TBC1D8: variants seen among roughly 807,000 people sequenced by gnomAD.
TBC1D8 encodes the protein TBC1 domain family member 8.
A neutral mutation model predicts 118.8 loss-of-function variants in TBC1D8; 65 were observed. The observed-to-expected ratio is 0.55, with a 90% CI of 0.45 to 0.67. The LOEUF is 0.67. TBC1D8 is among the 30% of genes least tolerant of loss of function. TBC1D8 has a pLI of 0.00. For synonymous variants in TBC1D8, 566 were observed against 595.8 expected, an observed-to-expected ratio of 0.95 and a Z score of 0.73; for missense variants, 1,376 against 1,471.2, an observed-to-expected ratio of 0.94 and a Z score of 1.06.
intron 4 of TBC1D8, among the ~76,000 whole-genome samples, chr2:101,052,531 C>T (rs189099047): frequency 2.1e-5 from 3 of 143,264 alleles, no homozygotes; most frequent in Middle Eastern, 3.6e-3. Context: ...GGCTGGAGTG[C>T]GCTGGTGCAA....
At chr2:101,093,891 T>G (rs1676219964) in intron 1 of TBC1D8, among the ~76,000 whole-genome samples, 1 of 152,086 alleles carries the variant, frequency 6.6e-6, no homozygotes, top group South Asian at 2.1e-4. Flanking sequence ...TGTATTTTAG[T>G]ACACCATGTC....
intron 8 of TBC1D8, among the ~76,000 whole-genome samples, chr2:101,036,622 G>A (rs1387612159): frequency 6.6e-6 from 1 of 152,090 alleles, no homozygotes; most frequent in Non-Finnish European, 1.5e-5. Flanking sequence ...TGAGCTTCCT[G>A]ACAGCCAGAG....
At chr2:101,118,358 C>T (rs986429595) in intron 1 of TBC1D8, among the ~76,000 whole-genome samples, 2 of 152,168 alleles carry the variant, frequency 1.3e-5, no homozygotes, top group African/African-American at 2.4e-5. Flanking sequence ...GTCCAATTAT[C>T]CCTGTTGGCT....
intron 1 of TBC1D8, among the ~76,000 whole-genome samples, chr2:101,150,782 C>T (rs1251584881): frequency 1.3e-5 from 2 of 152,198 alleles, no homozygotes; most frequent in African/African-American, 2.4e-5. Flanking sequence ...ACACAGCAGC[C>T]TCGCTGCTCC....
At chr2:101,104,447 G>A (rs910062646) in intron 1 of TBC1D8, among the ~76,000 whole-genome samples, 3 of 152,202 alleles carry the variant, frequency 2.0e-5, no homozygotes, top group African/African-American at 7.2e-5. Context: ...CTCACACTAC[G>A]CAATTTCAAG....
At chr2:101,110,741 C>T (rs1390824668) in intron 1 of TBC1D8, among the ~76,000 whole-genome samples, 5 of 152,004 alleles carry the variant, frequency 3.3e-5, no homozygotes, top group South Asian at 2.1e-4. Flanking sequence ...CTTTCGGAGG[C>T]GGGTGGATCA....
chr2:101,115,759 AAAG>A lies in TBC1D8; in HGVS notation c.128-25398_128-25396del, dbSNP rs549210982. Among the ~76,000 whole-genome samples the A allele has an allele frequency of 3.9e-5, 6 of 152,252 alleles. No individual in the cohort carries two copies. In the South Asian group the frequency reaches 1.2e-3, roughly 32 times the overall value. On this transcript the variant is annotated intron_variant, in intron 1 of 19. Coordinates refer to ENST00000409318, the MANE Select transcript of TBC1D8 (RefSeq NM_001330348.2). Reference sequence around the variant, plus strand: ...AAGCAAGACCTTGTTTCAAAAAAAAAAAGATTCTGGATCCTTGAGACAAACCAG... The same window carrying A: ...AAGCAAGACCTTGTTTCAAAAAAAAAATTCTGGATCCTTGAGACAAACCAG...
At chr2:101,150,676 CCG>C in intron 1 of TBC1D8, among the ~76,000 whole-genome samples, 2 of 152,318 alleles carry the variant, frequency 1.3e-5, no homozygotes, top group South Asian at 4.1e-4. Flanking sequence ...GCGCGCATCG[CCG>C]CGCGCCCCCA....
chr2:101,082,764 G>A (rs2105448892), intron 2 of TBC1D8, among the ~76,000 whole-genome samples: 1 of 152,174 alleles, frequency 6.6e-6, no homozygotes, highest in East Asian at 1.9e-4. Context: ...GGGTTGCCTG[G>A]GACTTGGGGA....
chr2:101,036,252 A>T, intron 8 of TBC1D8, 84 bp from the exon 9 acceptor site: 1 of 1,511,746 alleles, frequency 6.6e-7, no homozygotes, highest in Non-Finnish European at 9.1e-7. Flanking sequence ...CAATGGAGGA[A>T]GTACTGCCCC....
chr2:101,032,434 A>G (rs1553401819), intron 10 of TBC1D8, 49 bp from the exon 11 acceptor site: 1 of 1,524,008 alleles, frequency 6.6e-7, no homozygotes, highest in South Asian at 1.1e-5. Context: ...ATGTGATGCC[A>G]CAGAGATGTT....
chr2:101,017,230 A>T (rs1679718924), intron 17 of TBC1D8, among the ~76,000 whole-genome samples: 1 of 152,094 alleles, frequency 6.6e-6, no homozygotes, highest in Non-Finnish European at 1.5e-5. Flanking sequence ...TGCCTTCTGG[A>T]ATAGCGCCTG....
chr2:101,048,563 C>A (rs2105409600), intron 5 of TBC1D8, among the ~76,000 whole-genome samples: 1 of 152,252 alleles, frequency 6.6e-6, no homozygotes, highest in South Asian at 2.1e-4. Context: ...TAACTCAGGA[C>A]TACACATGAT....
At chr2:101,112,583 C>T (rs950569927) in intron 1 of TBC1D8, among the ~76,000 whole-genome samples, 3 of 152,310 alleles carry the variant, frequency 2.0e-5, no homozygotes, top group Admixed American at 1.3e-4. Context: ...CGCTGCCAAA[C>T]GCAGGACAAT....
chr2:101,091,052 G>A (rs1676002281), intron 1 of TBC1D8, among the ~76,000 whole-genome samples: 1 of 152,144 alleles, frequency 6.6e-6, no homozygotes, highest in Non-Finnish European at 1.5e-5. Context: ...GGAGGCCAAG[G>A]CGGGAGGATC....
intron 1 of TBC1D8, among the ~76,000 whole-genome samples, chr2:101,119,670 C>T (rs748545427): frequency 1.8e-4 from 28 of 152,198 alleles, no homozygotes; most frequent in Non-Finnish European, 3.7e-4. Context: ...AAGACCAGGA[C>T]CACTGTTCTA....
chr2:101,057,435 C>T (rs924681917), intron 3 of TBC1D8, among the ~76,000 whole-genome samples: 2 of 152,226 alleles, frequency 1.3e-5, no homozygotes, highest in Admixed American at 1.3e-4. Flanking sequence ...ATGCACTGTT[C>T]TTTGCTGAGA....
chr2:101,008,769 C>T (rs1056187229), intron 19 of TBC1D8, among the ~76,000 whole-genome samples: 5 of 151,560 alleles, frequency 3.3e-5, no homozygotes, highest in South Asian at 2.1e-4. Context: ...CAAGATCACA[C>T]CATTGCACTC....
At chr2:101,108,642 A>G (rs1677378973) in intron 1 of TBC1D8, among the ~76,000 whole-genome samples, 1 of 151,908 alleles carries the variant, frequency 6.6e-6, no homozygotes, top group African/African-American at 2.4e-5. Context: ...AGTTCTTCCC[A>G]CACTACCAAC....
Sources: gnomAD v4.1 joint callset for allele counts (sites outside exome capture counted in the v4.1 genomes callset) on GRCh38, gnomAD v4.1.1 for gene constraint, MANE v1.5 for transcripts, NCBI Gene and HGNC (gene_info 2026-07-23, HGNC 2026-07-21) for gene names.